The following PARP9 variants were observed in gnomAD, a reference collection of about 807,000 sequenced individuals.
PARP9 encodes poly(ADP-ribose) polymerase family member 9, also known as protein mono-ADP-ribosyltransferase PARP9.
A neutral mutation model predicts 68.8 loss-of-function variants in PARP9; 48 were observed. The ratio of observed to expected loss-of-function variants is 0.70; its 90% CI spans 0.55 to 0.89. The LOEUF is 0.89. Among genes scored for constraint, PARP9 ranks in the 40% least tolerant of loss-of-function variants. PARP9 has a pLI of 0.00. For missense variants in PARP9, 806 were observed against 969.3 expected (o/e 0.83, Z 2.24); for synonymous variants, 309 against 333.8 (o/e 0.93, Z 0.81).
chr3:122,540,388 C>T, intron 8 of PARP9, 84 bp downstream of exon 8: 1 of 1,489,842 alleles, frequency 6.7e-7, no homozygotes, highest in Non-Finnish European at 9.0e-7. Flanking sequence ...CTGTCTCTTA[C>T]CCACATCCAT....
rs1423311055 is a variant in PARP9, at chr3:122,555,998, G to C, written c.173C>G (p.Ser58Cys). ...EVLQNKFGCI[S>C]TLVSPVQEGN... ...TTCCTGAACTGGAGAGACCAGGGTA[G>C]AGATACAGCCAAACTTATTCTGGAG... The change falls in exon 4 of 11, where the codon TCT becomes TGT. Residue 58 changes from serine (S) to cysteine (C), a missense_variant. Around this residue, in one of 2 missense-constraint regions of PARP9, gnomAD observed 126 missense variants for 110.5 expected, o/e 1.14. Coordinates refer to ENST00000682323, the MANE Select transcript of PARP9 (RefSeq NM_001146105.2). 1 of 1,613,848 alleles carries C rather than the reference G, an allele frequency of 6.2e-7. No homozygotes were observed. The highest frequency in any genetic ancestry group is 1.3e-5 in the African/African-American group (1 of 74,862).
chr3:122,534,273 A>C, intron 10 of PARP9: 2 of 959,034 alleles, frequency 2.1e-6, no homozygotes, highest in South Asian at 4.8e-5. Flanking sequence ...GCCTGGTTGC[A>C]ACAGCCTGAG....
At chr3:122,542,647 T>C (rs1320508289) in intron 7 of PARP9, among the ~76,000 whole-genome samples, 1 of 151,362 alleles carries the variant, frequency 6.6e-6, no homozygotes, top group African/African-American at 2.4e-5. Context: ...ACCCGGCTAA[T>C]TTTTGTACTT....
rs1196042904 is a variant in PARP9 at position 122,528,742 on chromosome 3, A to T, written c.2082T>A (p.Asp694Glu). ...AGTATATGCCAGCTCCGTATTTTGG[A>T]TCTGATAAAGGAAAAAATAAAATAA... The part of the protein sequence containing the change: ...GFQRMYSTPC[D>E]PKYGAGIYFT... Residue 694 changes from aspartate (D) to glutamate (E), a missense_variant and splice_region_variant, in exon 11 of 11, where the codon GAT becomes GAA. By Grantham distance (45) the Asp-to-Glu change is conservative (BLOSUM62 2). Around this residue, in one of 2 missense-constraint regions of PARP9, gnomAD observed 680 missense variants for 858.8 expected, o/e 0.79. Transcript: ENST00000682323. 1 of 1,575,572 alleles carries T rather than the reference A, an allele frequency of 6.3e-7. No individual in the cohort carries two copies. The highest frequency in any genetic ancestry group is 8.6e-7 in the Non-Finnish European group (1 of 1,163,146).
At chr3:122,552,683 T>C (rs988668598) in intron 4 of PARP9, 44 bp from the exon 5 acceptor site, 1 of 1,405,692 alleles carries the variant, frequency 7.1e-7, no homozygotes, top group Non-Finnish European at 1.0e-6. Flanking sequence ...AAATTCCTTC[T>C]TCTTAAATGA....
chr3:122,564,296 GC>G lies in PARP9; in HGVS notation c.-142del. The G allele has an allele frequency of 1.8e-6, 2 of 1,131,352 alleles. No homozygotes were observed. Among genetic ancestry groups the G allele is most frequent in the Non-Finnish European group, 2.4e-6 (2 of 819,830 alleles). 70.1% of individuals were successfully genotyped at this position (1,131,352 alleles called of 1,614,324 possible). On this transcript the variant is annotated 5_prime_UTR_variant, in exon 1 of 11. Transcript: ENST00000682323. ...ACAGCACAGGGAGGAGGGGGAAGCGGCTCTGCCGGGAACAGGGAGGGACCTC... is the reference window on the plus strand; with the variant it reads ...ACAGCACAGGGAGGAGGGGGAAGCGGTCTGCCGGGAACAGGGAGGGACCTC...
intron 10 of PARP9, chr3:122,534,604 G>A: frequency 3.1e-6 from 1 of 321,358 alleles, no homozygotes; most frequent in Non-Finnish European, 4.5e-6. Context: ...TGCCTGCTGG[G>A]CATGGTGGCT....
rs1477545388 is a variant in PARP9, at chr3:122,540,533, C to T, written c.1704G>A (p.Met568Ile). The T allele has an allele frequency of 1.2e-6, 2 of 1,614,084 alleles. No individual in the cohort carries two copies. The highest frequency in any genetic ancestry group is 1.7e-5 in the Admixed American group (1 of 60,002). The change falls in exon 8 of 11, where the codon ATG becomes ATA. Residue 568 changes from methionine (M) to isoleucine (I), a missense_variant. Met to Ile is a conservative substitution (Grantham distance 10). Around this residue, in one of 2 missense-constraint regions of PARP9, gnomAD observed 680 missense variants for 858.8 expected, o/e 0.79. Transcript: ENST00000682323. ...CCATTTCCTCCTGTACTTTACAAAGCATATCTTCAATGTTCATAACCACCT... is the reference window on the plus strand; with the variant it reads ...CCATTTCCTCCTGTACTTTACAAAGTATATCTTCAATGTTCATAACCACCT... ...LIEVVMNIED[M>I]LCKVQEEMAR...
Position 122,550,589 on chromosome 3 carries a change from AT to A in PARP9, c.1320del (p.Tyr441IlefsTer15). 6.2e-7 allele frequency: 1 copy of A among 1,603,768 alleles called. No homozygotes were observed. Among genetic ancestry groups the A allele is most frequent in the Non-Finnish European group, 8.5e-7 (1 of 1,172,082 alleles). ...TTTCTAAGATATTAACTTACCTTAT[AT>A]ATCTCCAAATCTGTTGGAAAGATCA... ...KFVIFPTDLEIYKAFSSEMAK... is the reference protein window; with the variant it reads ...KFVIFPTDLEXYKAFSSEMAK... On this transcript the variant is annotated frameshift_variant, in exon 6 of 11. Transcript: ENST00000682323. LOFTEE classifies it high-confidence loss of function.
chr3:122,552,944 T>C (rs1344295064), intron 4 of PARP9, among the ~76,000 whole-genome samples: 1 of 152,196 alleles, frequency 6.6e-6, no homozygotes, highest in African/African-American at 2.4e-5. Flanking sequence ...GAGTATTCCC[T>C]GTGATTTGTT....
At chr3:122,552,305 A>T in intron 5 of PARP9, 113 bp downstream of exon 5, 1 of 797,516 alleles carries the variant, frequency 1.3e-6, no homozygotes, top group Non-Finnish European at 2.0e-6. Flanking sequence ...ATTGAGAACT[A>T]TACCACTTGA....
intron 1 of PARP9, 28 bp from the exon 2 acceptor site, chr3:122,559,737 A>G: frequency 1.0e-6 from 1 of 969,584 alleles, no homozygotes; most frequent in Non-Finnish European, 1.5e-6. Flanking sequence ...AAGATGCAAT[A>G]AACATTAGCC....
intron 8 of PARP9, among the ~76,000 whole-genome samples, chr3:122,537,892 A>C (rs905290876): frequency 7.3e-5 from 11 of 150,858 alleles, no homozygotes; most frequent in African/African-American, 2.7e-4. Context: ...GTTTTTGTCC[A>C]AGGGAGCTCC....
intron 8 of PARP9, among the ~76,000 whole-genome samples, chr3:122,540,147 T>G (rs756687282): frequency 4.6e-5 from 7 of 152,244 alleles, no homozygotes; most frequent in Non-Finnish European, 7.3e-5. Context: ...GAGTGCTGCA[T>G]CTGAAGAATT....
chr3:122,531,100 C>T (rs527618776), intron 10 of PARP9, among the ~76,000 whole-genome samples: 1 of 152,074 alleles, frequency 6.6e-6, no homozygotes, highest in Non-Finnish European at 1.5e-5. Flanking sequence ...TCTTTGAAAT[C>T]CGGTGTGTAT....
intron 10 of PARP9, chr3:122,532,483 C>T (rs1242923654): frequency 1.1e-6 from 1 of 932,832 alleles, no homozygotes; most frequent in Non-Finnish European, 1.3e-6. Flanking sequence ...TATGAAAACT[C>T]TGAAAATGAC....
intron 6 of PARP9, among the ~76,000 whole-genome samples, chr3:122,547,139 G>A (rs1206699307): frequency 7.9e-6 from 1 of 126,482 alleles, no homozygotes; most frequent in Non-Finnish European, 1.6e-5. Flanking sequence ...AGATGGCCCT[G>A]GCTGGCGTGC....
Position 122,536,169 on chromosome 3 carries a change from G to A in PARP9, c.2079C>T (p.Cys693=), listed in dbSNP as rs1356689919. The change falls in exon 10 of 11, where the codon TGC becomes TGT. Residue 693 remains cysteine (C), a splice_region_variant and synonymous_variant. Coordinates refer to ENST00000682323, the MANE Select transcript of PARP9 (RefSeq NM_001146105.2). ...VGFQRMYSTP[C]DPKYGAGIYF... ...CAATGATGAGGCATTGACACCTACCGCAAGGTGTCGAGTACATTCTTTGAA... is the reference window on the plus strand; with the variant it reads ...CAATGATGAGGCATTGACACCTACCACAAGGTGTCGAGTACATTCTTTGAA... The A allele has an allele frequency of 5.6e-6, 9 of 1,614,076 alleles. No homozygotes were observed. Among genetic ancestry groups the A allele is most frequent in the South Asian group, 1.1e-5 (1 of 91,078 alleles).
chr3:122,533,689 A>C, intron 10 of PARP9: 3 of 985,400 alleles, frequency 3.0e-6, no homozygotes, highest in Non-Finnish European at 3.6e-6. Context: ...GGAACAAATG[A>C]ATCAACCCAG....
Sources: gnomAD v4.1 joint callset for allele counts (sites outside exome capture counted in the v4.1 genomes callset) on GRCh38, gnomAD v4.1.1 for gene constraint, gnomAD v4.1.1 regional missense constraint, MANE v1.5 for transcripts, NCBI Gene and HGNC (gene_info 2026-07-23, HGNC 2026-07-21) for gene names.